Variants in GRM7 observed in about 807,000 individuals in gnomAD.
The protein encoded by GRM7 is metabotropic glutamate receptor 7.
A neutral mutation model predicts 84.5 loss-of-function variants in GRM7; 35 were observed. The ratio of observed to expected loss-of-function variants is 0.41; its 90% CI spans 0.32 to 0.55. GRM7 has a LOEUF of 0.55. GRM7 is among the 20% of genes least tolerant of loss of function. The pLI, the probability that GRM7 is intolerant of heterozygous loss-of-function variation, is 0.19. For missense variants in GRM7, 1,003 were observed against 1,194.6 expected, an observed-to-expected ratio of 0.84 and a Z score of 2.36; for synonymous variants, 487 against 455.1, an observed-to-expected ratio of 1.07 and a Z score of -0.89.
intron 1 of GRM7, among the ~76,000 whole-genome samples, chr3:7,058,134 C>G (rs368139661): frequency 6.6e-6 from 1 of 151,774 alleles, no homozygotes; most frequent in African/African-American, 2.4e-5. Flanking sequence ...AACAGACTTT[C>G]GGCCTATTTG....
chr3:6,961,256 T>C (rs1444672511), intron 1 of GRM7, among the ~76,000 whole-genome samples: 1 of 152,174 alleles, frequency 6.6e-6, no homozygotes, highest in Non-Finnish European at 1.5e-5. Flanking sequence ...ACGCTAAAGA[T>C]ACCAGTCTGA....
intron 2 of GRM7, among the ~76,000 whole-genome samples, chr3:7,174,321 A>G (rs958021759): frequency 6.6e-6 from 1 of 152,250 alleles, no homozygotes; most frequent in Non-Finnish European, 1.5e-5. Context: ...TATTCTGTAA[A>G]GAAAAAGAAA....
chr3:7,521,625 C>T (rs1181820158), intron 7 of GRM7, among the ~76,000 whole-genome samples: 1 of 152,166 alleles, frequency 6.6e-6, no homozygotes, highest in Non-Finnish European at 1.5e-5. Context: ...TGTGTGATGG[C>T]AGCTCTAATG....
At position 6,980,250 on chromosome 3, in the gene GRM7, A is replaced by G. The variant is rs561788931; in HGVS notation, c.519+118343A>G. 3.3e-5 allele frequency among the ~76,000 whole-genome samples: 5 copies of G among 152,246 alleles called. No homozygotes were observed. In the South Asian group the frequency reaches 1.0e-3, roughly 32 times the overall value. On this transcript the variant is annotated intron_variant, in intron 1 of 9. Transcript: ENST00000357716. ...AGCATAATGTTAATGATTACACAAT[A>G]CTTACTGATTATATAATACTTAATA...
intron 1 of GRM7, among the ~76,000 whole-genome samples, chr3:6,947,770 G>A (rs1698145887): frequency 6.6e-6 from 1 of 152,046 alleles, no homozygotes; most frequent in African/African-American, 2.4e-5. Flanking sequence ...ACTTCTTCCT[G>A]GTTTAGTCTT....
At chr3:7,223,759 C>G (rs1198212635) in intron 2 of GRM7, among the ~76,000 whole-genome samples, 1 of 152,030 alleles carries the variant, frequency 6.6e-6, no homozygotes, top group Non-Finnish European at 1.5e-5. Flanking sequence ...TCTGGAGAGC[C>G]GAATAATAGA....
At chr3:7,650,434 T>C (rs73021900) in intron 8 of GRM7, among the ~76,000 whole-genome samples, 26,927 of 152,204 alleles carry the variant, frequency 0.18, 2,719 homozygotes, top group Non-Finnish European at 0.23. Context: ...CTAGTTACTA[T>C]ACTAAAAAGA....
intron 4 of GRM7, among the ~76,000 whole-genome samples, chr3:7,397,862 A>G (rs562214685): frequency 2.6e-5 from 4 of 152,060 alleles, no homozygotes; most frequent in Admixed American, 6.6e-5. Context: ...AATGCTGCTA[A>G]ACATCCTTAA....
chr3:7,337,298 A>T lies in GRM7; in HGVS notation c.1033+30646A>T, dbSNP rs528108954. Among the ~76,000 whole-genome samples the T allele has an allele frequency of 3.9e-5, 6 of 152,216 alleles. No individual in the cohort carries two copies. In the East Asian group the frequency reaches 1.2e-3, roughly 29 times the overall value. On this transcript the variant is annotated intron_variant, in intron 4 of 9. Coordinates refer to ENST00000357716, the MANE Select transcript of GRM7 (RefSeq NM_000844.4). ...CGAAGACTTAAATCTAAGACCTCTA[A>T]CCATACAAATTCTAGAAGATAACAT...
intron 1 of GRM7, among the ~76,000 whole-genome samples, chr3:6,869,048 A>G (rs936292454): frequency 2.6e-5 from 4 of 152,196 alleles, no homozygotes; most frequent in African/African-American, 9.7e-5. Context: ...AGGGCTCTTT[A>G]AACATTTTTA....
At chr3:7,656,541 G>GTGCACA (rs1553632719) in intron 8 of GRM7, among the ~76,000 whole-genome samples, 2 of 58,278 alleles carry the variant, frequency 3.4e-5, no homozygotes, top group African/African-American at 2.0e-4. Flanking sequence ...ATATATATAC[G>GTGCACA]CGCGCGCACA....
At chr3:7,392,427 C>T (rs1353127031) in intron 4 of GRM7, among the ~76,000 whole-genome samples, 1 of 152,196 alleles carries the variant, frequency 6.6e-6, no homozygotes, top group African/African-American at 2.4e-5. Context: ...AGAGCAAGCC[C>T]TTCAATGTCT....
intron 3 of GRM7, among the ~76,000 whole-genome samples, chr3:7,302,700 A>G (rs1700044583): frequency 6.6e-6 from 1 of 151,828 alleles, no homozygotes; most frequent in African/African-American, 2.4e-5. Flanking sequence ...TTCTTTTTTA[A>G]TGTGTAGTAT....
At chr3:7,144,768 T>A (rs557815404) in intron 1 of GRM7, among the ~76,000 whole-genome samples, 82 of 152,276 alleles carry the variant, frequency 5.4e-4, no homozygotes, top group African/African-American at 1.9e-3. Flanking sequence ...CTACATCTTG[T>A]CAATACCAAA....
intron 4 of GRM7, among the ~76,000 whole-genome samples, chr3:7,378,404 A>G (rs556282112): frequency 9.8e-5 from 15 of 152,324 alleles, no homozygotes; most frequent in African/African-American, 3.4e-4. Flanking sequence ...TACTAATATG[A>G]AGTAATATTT....
chr3:7,729,573 T>C (rs1702239150), intron 9 of GRM7, among the ~76,000 whole-genome samples: 1 of 152,196 alleles, frequency 6.6e-6, no homozygotes, highest in Admixed American at 6.5e-5. Flanking sequence ...TAAGGTTATG[T>C]TGTGACTGGA....
chr3:7,423,306 GA>G (rs954648073), intron 5 of GRM7, among the ~76,000 whole-genome samples: 1 of 152,156 alleles, frequency 6.6e-6, no homozygotes, highest in African/African-American at 2.4e-5. Context: ...ATAATTATTT[GA>G]GCTGTGTGTC....
chr3:7,167,087 C>T (rs550044769), intron 2 of GRM7, among the ~76,000 whole-genome samples: 1 of 152,288 alleles, frequency 6.6e-6, no homozygotes, highest in East Asian at 1.9e-4. Flanking sequence ...TTAATATTCA[C>T]TGTTCTATTG....
chr3:7,739,485 A>C (rs1343226735), intron 9 of GRM7, among the ~76,000 whole-genome samples: 1 of 152,214 alleles, frequency 6.6e-6, no homozygotes, highest in African/African-American at 2.4e-5. Flanking sequence ...CAAAACTACC[A>C]AGATTTAGTG....
Sources: gnomAD v4.1 joint callset for allele counts (sites outside exome capture counted in the v4.1 genomes callset) on GRCh38, gnomAD v4.1.1 for gene constraint, MANE v1.5 for transcripts, NCBI Gene and HGNC (gene_info 2026-07-23, HGNC 2026-07-21) for gene names.